The following NFATC3 variants were observed in gnomAD, a reference collection of about 807,000 sequenced individuals.
The protein encoded by NFATC3 is nuclear factor of activated T cells 3, also known as nuclear factor of activated T-cells, cytoplasmic 3.
Under a neutral mutation model 98.6 loss-of-function variants are expected in NFATC3, and 46 were observed. The observed-to-expected ratio is 0.47, with a 90% CI of 0.37 to 0.60. NFATC3 has a LOEUF of 0.60. Ranked by LOEUF, NFATC3 falls within the 20% of genes least tolerant of loss-of-function variation. The probability of loss-of-function intolerance (pLI) is 0.00; values close to 1 mark genes in which losing one functional copy is unlikely to be tolerated. For missense variants in NFATC3, 1,256 were observed against 1,295.5 expected (o/e 0.97, Z 0.47); for synonymous variants, 512 against 472.2 (o/e 1.08, Z -1.09).
intron 9 of NFATC3, chr16:68,221,124 T>C: frequency 2.0e-6 from 3 of 1,498,082 alleles, no homozygotes; most frequent in Non-Finnish European, 2.8e-6. Flanking sequence ...ATTGCAAGCA[T>C]TAGTATTTTT....
chr16:68,085,653 G>T lies in NFATC3; in HGVS notation c.-29G>T. 6.7e-7 allele frequency: 1 copy of T among 1,484,722 alleles called. No individual in the cohort carries two copies. 92.0% of individuals were successfully genotyped at this position (1,484,722 alleles called of 1,614,324 possible). On this transcript the variant is annotated 5_prime_UTR_variant, in exon 1 of 10. Transcript: ENST00000346183. Reference sequence around the variant, plus strand: ...GCCGCTGCCGCCGCCGCCGCCTGAGGAGGAGCTGCAGCACCCTGGGCCACG... The same window carrying T: ...GCCGCTGCCGCCGCCGCCGCCTGAGTAGGAGCTGCAGCACCCTGGGCCACG...
At chr16:68,100,539 A>T (rs1271943622) in intron 1 of NFATC3, among the ~76,000 whole-genome samples, 1 of 151,680 alleles carries the variant, frequency 6.6e-6, no homozygotes, top group African/African-American at 2.4e-5. Flanking sequence ...GTGCCGCTGT[A>T]CTCCAGCCTG....
In NFATC3 at chr16:68,166,659, C is replaced by T. The variant is rs916869478; in HGVS notation, c.1602-184C>T. On this transcript the variant is annotated intron_variant, in intron 4 of 9. Coordinates refer to ENST00000346183, the MANE Select transcript of NFATC3 (RefSeq NM_173165.3). ...AATCTGCTAAGTTTTGCACTTTTAT[C>T]GTACAAAAATATTTTTAATGCCTAA... Among the ~76,000 whole-genome samples the T allele has an allele frequency of 4.3e-4, 66 of 152,136 alleles. 1 individual carries two copies. The highest frequency in any genetic ancestry group is 1.5e-3 in the African/African-American group (63 of 41,432).
intron 3 of NFATC3, among the ~76,000 whole-genome samples, chr16:68,130,730 T>C (rs1370394284): frequency 6.6e-6 from 1 of 152,202 alleles, no homozygotes. Flanking sequence ...ATCAGCGTTA[T>C]GGAGCTTTCC....
At chr16:68,133,575 C>T (rs1469034228) in intron 3 of NFATC3, among the ~76,000 whole-genome samples, 1 of 152,134 alleles carries the variant, frequency 6.6e-6, no homozygotes, top group Non-Finnish European at 1.5e-5. Flanking sequence ...TCATGAGTCT[C>T]CCTTGTACCC....
At position 68,174,416 on chromosome 16, in the gene NFATC3, G is replaced by A; in HGVS notation, c.1817G>A (p.Ser606Asn). Residue 606 changes from serine (S) to asparagine (N), a missense_variant, in exon 6 of 10, where the codon AGT (serine) becomes AAT (asparagine). Coordinates refer to ENST00000346183, the MANE Select transcript of NFATC3 (RefSeq NM_173165.3). ...GAACTTCCTCATATTGAGAAGTACA[G>A]TATCAACAGTTGTTCTGTAAATGGA... ...AQELPHIEKYSINSCSVNGGH... is the reference protein window; with the variant it reads ...AQELPHIEKYNINSCSVNGGH... 1.9e-6 allele frequency: 3 copies of A among 1,601,774 alleles called. No individual in the cohort carries two copies. Among genetic ancestry groups the A allele is most frequent in the South Asian group, 2.3e-5 (2 of 88,004 alleles).
intron 6 of NFATC3, among the ~76,000 whole-genome samples, chr16:68,177,507 C>T (rs1211058448): frequency 6.6e-6 from 1 of 151,976 alleles, no homozygotes; most frequent in East Asian, 1.9e-4. Flanking sequence ...GATTTTTTAC[C>T]AGTCTTTCCA....
intron 1 of NFATC3, among the ~76,000 whole-genome samples, chr16:68,105,902 A>G (rs544180752): frequency 1.6e-4 from 25 of 151,824 alleles, no homozygotes; most frequent in Non-Finnish European, 2.2e-4. Context: ...TTTTTGAGAC[A>G]GAGTCTCACT....
intron 3 of NFATC3, among the ~76,000 whole-genome samples, chr16:68,146,094 C>T (rs1181297426): frequency 2.0e-5 from 3 of 151,930 alleles, no homozygotes; most frequent in Non-Finnish European, 4.4e-5. Flanking sequence ...GTTGAGCATC[C>T]CTGATTCAAA....
chr16:68,126,309 T>C (rs1000766892), intron 2 of NFATC3, 139 bp from the exon 3 acceptor site: 1 of 659,440 alleles, frequency 1.5e-6, no homozygotes, highest in Non-Finnish European at 2.5e-6. Flanking sequence ...AATTGTAACT[T>C]ACTAAATGAA....
chr16:68,184,829 AC>A (rs1200056526), intron 8 of NFATC3, among the ~76,000 whole-genome samples: 10 of 144,922 alleles, frequency 6.9e-5, no homozygotes, highest in African/African-American at 1.9e-4. Flanking sequence ...AAACAAACAA[AC>A]AAACAAAAAA....
rs200355791 is a variant in NFATC3 at position 68,098,300 on chromosome 16, ATTTTT to A, written c.103+12531_103+12535del. 1.5e-3 allele frequency among the ~76,000 whole-genome samples: 138 copies of A among 94,308 alleles called. 1 individual carries two copies. The South Asian group carries it at 0.026, about 18-fold the overall frequency. 61.9% of individuals were successfully genotyped at this position (94,308 alleles called of 152,430 possible). ...TATTATTATTATTATTATTATTATT[ATTTTT>A]TTTTTTTTTTTTTTAGATGGAGTCT... On this transcript the variant is annotated intron_variant, in intron 1 of 9. Transcript: ENST00000346183.
intron 8 of NFATC3, chr16:68,189,535 A>G (rs2040350013): frequency 6.5e-6 from 1 of 153,270 alleles, no homozygotes. Flanking sequence ...GATTACATTG[A>G]ATCTGAAGAT....
At chr16:68,224,633 A>G (rs1203732150) in intron 9 of NFATC3, 1 of 135,564 alleles carries the variant, frequency 7.4e-6, no homozygotes, top group Non-Finnish European at 1.5e-5. Context: ...GCTGGGCTGC[A>G]GTGGCACAAT....
intron 1 of NFATC3, among the ~76,000 whole-genome samples, chr16:68,103,133 TA>T (rs984930620): frequency 4.6e-5 from 7 of 151,932 alleles, no homozygotes; most frequent in East Asian, 1.9e-4. Context: ...GATTTACAGA[TA>T]TTTTTTCCCA....
intron 9 of NFATC3, among the ~76,000 whole-genome samples, chr16:68,201,571 G>C (rs1254601435): frequency 1.3e-5 from 2 of 151,464 alleles, no homozygotes; most frequent in Non-Finnish European, 2.9e-5. Context: ...GTGCCCGTTT[G>C]TCAAGCTGTT....
intron 9 of NFATC3, among the ~76,000 whole-genome samples, chr16:68,210,224 G>A (rs1246624330): frequency 6.6e-6 from 1 of 151,520 alleles, no homozygotes; most frequent in African/African-American, 2.4e-5. Flanking sequence ...CGTGAACCCG[G>A]AAGGCGGAGC....
At position 68,219,605 on chromosome 16, in the gene NFATC3, T is replaced by G. The variant is rs146984085; in HGVS notation, c.3107-6745T>G. Among the ~76,000 whole-genome samples the G allele has an allele frequency of 5.1e-3, 769 of 152,194 alleles. 8 individuals carry two copies. Among genetic ancestry groups the G allele is most frequent in the African/African-American group, 0.017 (701 of 41,526 alleles). On this transcript the variant is annotated intron_variant, in intron 9 of 9. Coordinates refer to ENST00000346183, the MANE Select transcript of NFATC3 (RefSeq NM_173165.3). ...AGTAATAATAATAATAATAACACCT[T>G]CATAAAATTGTTTACCCAGGGGATG...
chr16:68,195,706 G>T (rs1325145688), intron 9 of NFATC3, among the ~76,000 whole-genome samples: 1 of 152,098 alleles, frequency 6.6e-6, no homozygotes, highest in Non-Finnish European at 1.5e-5. Flanking sequence ...TACTTGGGAG[G>T]CTGAGGCAGG....
Sources: gnomAD v4.1 joint callset for allele counts (sites outside exome capture counted in the v4.1 genomes callset) on GRCh38, gnomAD v4.1.1 for gene constraint, MANE v1.5 for transcripts, NCBI Gene and HGNC (gene_info 2026-07-23, HGNC 2026-07-21) for gene names.